Variants in ZBTB41 observed in about 807,000 individuals in gnomAD.
The protein encoded by ZBTB41 is zinc finger and BTB domain containing 41.
In ZBTB41, 42 loss-of-function variants were observed where a neutral mutation model predicts 87.6. That is an observed-to-expected ratio of 0.48 (90% CI 0.37 to 0.62). The LOEUF is 0.62. Among genes scored for constraint, ZBTB41 ranks in the 20% least tolerant of loss-of-function variants. The probability of loss-of-function intolerance (pLI) is 0.00; values close to 1 mark genes in which losing one functional copy is unlikely to be tolerated. For synonymous variants in ZBTB41, 364 were observed against 364.0 expected (o/e 1.00, Z 0.00); for missense variants, 799 against 1,078.9 (o/e 0.74, Z 3.63).
chr1:197,200,846 CG>C (rs756492269), intron 1 of ZBTB41, among the ~76,000 whole-genome samples: 67 of 152,284 alleles, frequency 4.4e-4, no homozygotes, highest in Admixed American at 2.2e-3. Flanking sequence ...TGAAAATACC[CG>C]GGCAGAAAGG....
In ZBTB41 at chr1:197,158,253, G is replaced by A. The variant is rs1219625593; in HGVS notation, c.*1106C>T. On this transcript the variant is annotated 3_prime_UTR_variant, in exon 11 of 11. Transcript: ENST00000367405. ...AATTAAAGGTTAATTACAGACATTA[G>A]GCTTTTGTGAAGGCAAAATTAAAGA... The A allele has an allele frequency of 1.3e-5, 2 of 152,322 alleles. No individual in the cohort carries two copies. The highest frequency in any genetic ancestry group is 1.5e-5 in the Non-Finnish European group (1 of 67,874). The allele number at this position is 152,322 out of a possible 1,614,324, so 9.4% of individuals were successfully genotyped here.
intron 10 of ZBTB41, among the ~76,000 whole-genome samples, chr1:197,165,204 A>G (rs1310755537): frequency 6.6e-6 from 1 of 151,558 alleles, no homozygotes. Flanking sequence ...AAATCCCCAC[A>G]TATTTAGGAA....
rs1365061149 is a variant in ZBTB41 at position 197,154,247 on chromosome 1, C to G, written c.*5112G>C. On this transcript the variant is annotated 3_prime_UTR_variant, in exon 11 of 11. Coordinates refer to ENST00000367405, the MANE Select transcript of ZBTB41 (RefSeq NM_194314.3). ...TGTACATCCTCTTCATTCAATACATCTTTTAGAATCTCCAACAGCAATGCA... is the reference window on the plus strand; with the variant it reads ...TGTACATCCTCTTCATTCAATACATGTTTTAGAATCTCCAACAGCAATGCA... 1 of 152,564 alleles carries G rather than the reference C, an allele frequency of 6.6e-6. No individual in the cohort carries two copies. The highest frequency in any genetic ancestry group is 1.5e-5 in the Non-Finnish European group (1 of 67,968). 9.5% of individuals were successfully genotyped at this position (152,564 alleles called of 1,614,324 possible).
chr1:197,197,726 C>T (rs1660205112), intron 2 of ZBTB41, among the ~76,000 whole-genome samples: 2 of 152,188 alleles, frequency 1.3e-5, no homozygotes, highest in Admixed American at 1.3e-4. Context: ...TCCAAAGTAT[C>T]TTGCGGTAAA....
chr1:197,176,516 A>G lies in ZBTB41; in HGVS notation c.1879+48T>C, dbSNP rs762868295. ...CATAACATCATATTATGTTCCTTTC[A>G]GGTATTTAAAAAGGATTTTCGAACT... On this transcript the variant is annotated intron_variant, in intron 8 of 10. Coordinates refer to ENST00000367405, the MANE Select transcript of ZBTB41 (RefSeq NM_194314.3). 4.7e-6 allele frequency: 6 copies of G among 1,263,634 alleles called. No individual in the cohort carries two copies. The Admixed American group carries it at 5.4e-5, about 11-fold the overall frequency. 78.3% of individuals were successfully genotyped at this position (1,263,634 alleles called of 1,614,324 possible).
At chr1:197,172,294 C>A in intron 9 of ZBTB41, 46 bp from the exon 10 acceptor site, 1 of 632,286 alleles carries the variant, frequency 1.6e-6, no homozygotes. Context: ...ATTTTAATAA[C>A]TATAATAAAT....
At chr1:197,187,822 A>G (rs1052676918) in intron 5 of ZBTB41, among the ~76,000 whole-genome samples, 3 of 152,210 alleles carry the variant, frequency 2.0e-5, no homozygotes, top group African/African-American at 7.2e-5. Flanking sequence ...ATCTAAAAAA[A>G]ATGAACCAAC....
chr1:197,175,038 C>A lies in ZBTB41; in HGVS notation c.1957G>T (p.Val653Leu). 1 of 1,609,582 alleles carries A rather than the reference C, an allele frequency of 6.2e-7. No homozygotes were observed. Among genetic ancestry groups the A allele is most frequent in the Non-Finnish European group, 8.5e-7 (1 of 1,177,498 alleles). ...RDHLTVHYKS[V>L]HLGEKVWQKY... is the part of the protein sequence containing the mutation. ...TGCCACACTTTCTCTCCAAGGTGTA[C>A]GCTTTTGTAATGAACAGTGAGATGA... The change falls in exon 9 of 11, where the codon GTA becomes TTA. Residue 653 changes from valine (V) to leucine (L), a missense_variant. Coordinates refer to ENST00000367405, the MANE Select transcript of ZBTB41 (RefSeq NM_194314.3).
intron 10 of ZBTB41, among the ~76,000 whole-genome samples, chr1:197,165,945 G>T (rs1337055554): frequency 1.3e-5 from 2 of 152,074 alleles, no homozygotes; most frequent in East Asian, 1.9e-4. Flanking sequence ...CCCATGGGGG[G>T]CGAGCAGAAC....
chr1:197,164,665 T>C (rs2125123545), intron 10 of ZBTB41, among the ~76,000 whole-genome samples: 1 of 144,452 alleles, frequency 6.9e-6, no homozygotes, highest in East Asian at 2.0e-4. Context: ...GACTAATATA[T>C]ATCTAATACA....
At chr1:197,177,329 G>C (rs925915870) in intron 7 of ZBTB41, among the ~76,000 whole-genome samples, 1 of 152,000 alleles carries the variant, frequency 6.6e-6, no homozygotes, top group Non-Finnish European at 1.5e-5. Flanking sequence ...TAGGTAAGAC[G>C]TGCCTTGCTT....
At chr1:197,189,948 T>C (rs1659985753) in intron 4 of ZBTB41, among the ~76,000 whole-genome samples, 1 of 152,168 alleles carries the variant, frequency 6.6e-6, no homozygotes, top group Admixed American at 6.5e-5. Context: ...AGATGGAGTC[T>C]GGCTCTGTCG....
At chr1:197,177,178 G>T (rs1331495299) in intron 7 of ZBTB41, among the ~76,000 whole-genome samples, 1 of 152,126 alleles carries the variant, frequency 6.6e-6, no homozygotes, top group Non-Finnish European at 1.5e-5. Context: ...CATATTGAAG[G>T]AGGGACCTGG....
intron 10 of ZBTB41, among the ~76,000 whole-genome samples, chr1:197,162,656 T>C (rs1659229753): frequency 6.6e-6 from 1 of 152,138 alleles, no homozygotes; most frequent in African/African-American, 2.4e-5. Context: ...TTTTAAAAAA[T>C]AACCCCCACA....
chr1:197,161,486 G>A (rs1659198334), intron 10 of ZBTB41, among the ~76,000 whole-genome samples: 1 of 77,400 alleles, frequency 1.3e-5, no homozygotes, highest in African/African-American at 3.4e-5. Flanking sequence ...TAGCCCATTG[G>A]AACCTTCAAA....
chr1:197,179,899 A>G (rs530199455), intron 6 of ZBTB41, among the ~76,000 whole-genome samples: 1 of 152,270 alleles, frequency 6.6e-6, no homozygotes, highest in African/African-American at 2.4e-5. Context: ...AGTTTATAAA[A>G]TAAAAATGTT....
intron 5 of ZBTB41, among the ~76,000 whole-genome samples, chr1:197,183,705 C>T (rs1380235126): frequency 6.6e-6 from 1 of 152,168 alleles, no homozygotes; most frequent in East Asian, 1.9e-4. Flanking sequence ...TAAATATTTA[C>T]TATTTTGAAT....
intron 8 of ZBTB41, among the ~76,000 whole-genome samples, chr1:197,175,761 C>T (rs1659590592): frequency 6.6e-6 from 1 of 151,654 alleles, no homozygotes; most frequent in African/African-American, 2.4e-5. Context: ...GAATTCTCCT[C>T]ATAAAAATAA....
At chr1:197,165,588 T>TGACA (rs1450570315) in intron 10 of ZBTB41, among the ~76,000 whole-genome samples, 2 of 150,016 alleles carry the variant, frequency 1.3e-5, no homozygotes, top group Non-Finnish European at 3.0e-5. Context: ...CCAGCCTGGG[T>TGACA]GACAGAGCGA....
Sources: allele counts gnomAD v4.1 joint callset (sites outside exome capture counted in the v4.1 genomes callset), GRCh38; gene constraint gnomAD v4.1.1; transcripts MANE v1.5; gene names NCBI Gene and HGNC (gene_info 2026-07-23, HGNC 2026-07-21).